Variants in KALRN observed in about 807,000 individuals in gnomAD.
KALRN encodes kalirin.
In KALRN, 70 loss-of-function variants were observed where a neutral mutation model predicts 353.7. The observed-to-expected ratio is 0.20, with a 90% CI of 0.16 to 0.24. The LOEUF (loss-of-function observed/expected upper bound fraction) is 0.24. Among genes scored for constraint, KALRN ranks in the 10% least tolerant of loss-of-function variants. The pLI, the probability that KALRN is intolerant of heterozygous loss-of-function variation, is 1.00. For missense variants in KALRN, 2,791 were observed against 3,756.7 expected, an observed-to-expected ratio of 0.74 and a Z score of 6.72; for synonymous variants, 1,391 against 1,434.8, an observed-to-expected ratio of 0.97 and a Z score of 0.69.
At chr3:124,463,419 A>C (rs887819934) in intron 25 of KALRN, among the ~76,000 whole-genome samples, 1 of 152,192 alleles carries the variant, frequency 6.6e-6, no homozygotes, top group African/African-American at 2.4e-5. Flanking sequence ...TGGAGATAGA[A>C]GGGCCATGTG....
intron 1 of KALRN, among the ~76,000 whole-genome samples, chr3:124,063,768 A>C (rs977442622): frequency 6.6e-6 from 1 of 152,172 alleles, no homozygotes; most frequent in Non-Finnish European, 1.5e-5. Context: ...GGGAGCTTAC[A>C]TCACGGGCAC....
At chr3:124,545,323 A>G (rs536903320) in intron 33 of KALRN, among the ~76,000 whole-genome samples, 3 of 152,214 alleles carry the variant, frequency 2.0e-5, no homozygotes, top group Admixed American at 6.5e-5. Flanking sequence ...TGAGGTCAAC[A>G]TTAGACCCTG....
chr3:124,239,029 T>C (rs931569315), intron 3 of KALRN, among the ~76,000 whole-genome samples: 1 of 152,210 alleles, frequency 6.6e-6, no homozygotes, highest in African/African-American at 2.4e-5. Context: ...TGAGACAAGT[T>C]CTGGATAGGA....
Position 124,091,948 on chromosome 3 carries a change from G to A in KALRN, c.73+58135G>A, listed in dbSNP as rs554329822. On this transcript the variant is annotated intron_variant, in intron 1 of 59. Transcript: ENST00000682506. ...AACTTCTGGAGGGGCTGCATTTCAA[G>A]TAAGACTTATGAGGCTCTGTGGGAG... Among the ~76,000 whole-genome samples the A allele has an allele frequency of 4.6e-5, 7 of 152,330 alleles. No homozygotes were observed. In the South Asian group the frequency reaches 1.2e-3, roughly 27 times the overall value.
intron 1 of KALRN, among the ~76,000 whole-genome samples, chr3:124,042,744 G>A (rs2040081204): frequency 6.6e-6 from 1 of 152,112 alleles, no homozygotes; most frequent in South Asian, 2.1e-4. Context: ...AATTTGCTTT[G>A]GGACATGTTG....
At chr3:124,696,053 T>A (rs2062035630) in intron 53 of KALRN, 81 bp from the exon 54 acceptor site, 2 of 1,504,064 alleles carry the variant, frequency 1.3e-6, no homozygotes. Flanking sequence ...CAGCACACCA[T>A]GGGCCAACCC....
intron 1 of KALRN, among the ~76,000 whole-genome samples, chr3:124,114,549 T>C (rs2063291016): frequency 6.6e-6 from 1 of 152,172 alleles, no homozygotes; most frequent in African/African-American, 2.4e-5. Context: ...ACTTGGAATA[T>C]TGGGGATTTG....
intron 1 of KALRN, among the ~76,000 whole-genome samples, chr3:124,177,429 A>G (rs1217597411): frequency 1.3e-5 from 2 of 152,138 alleles, no homozygotes; most frequent in African/African-American, 4.8e-5. Context: ...TACCTCCTAG[A>G]ACAGTGACTT....
intron 27 of KALRN, among the ~76,000 whole-genome samples, chr3:124,479,354 A>G (rs1288797866): frequency 1.3e-5 from 2 of 152,240 alleles, no homozygotes; most frequent in Non-Finnish European, 2.9e-5. Flanking sequence ...CTGCCCTGGA[A>G]GCGGGGACAG....
intron 5 of KALRN, among the ~76,000 whole-genome samples, chr3:124,279,476 T>C (rs1000703289): frequency 1.3e-5 from 2 of 152,002 alleles, no homozygotes; most frequent in African/African-American, 4.8e-5. Flanking sequence ...GGGGCATGCA[T>C]GGGGAATACA....
At chr3:124,081,093 T>C (rs2060518598) in intron 1 of KALRN, among the ~76,000 whole-genome samples, 1 of 152,204 alleles carries the variant, frequency 6.6e-6, no homozygotes, top group African/African-American at 2.4e-5. Context: ...AAGAGTTTCA[T>C]GGAGGACATT....
rs1425467068 is a variant in KALRN, at chr3:124,493,551, T to A, written c.4832+669T>A. Among the ~76,000 whole-genome samples the A allele has an allele frequency of 2.6e-5, 4 of 152,128 alleles. No individual in the cohort carries two copies. In the South Asian group the frequency reaches 8.3e-4, roughly 32 times the overall value. ...TTGGGGGACAGTTCCAAAGAAAGCA[T>A]ACAAAAACTTCACGTACATTTTGAA... On this transcript the variant is annotated intron_variant, in intron 32 of 59. Coordinates refer to ENST00000682506, the MANE Select transcript of KALRN (RefSeq NM_001388419.1).
intron 34 of KALRN, among the ~76,000 whole-genome samples, chr3:124,579,946 C>T (rs2074464491): frequency 2.0e-5 from 3 of 152,198 alleles, no homozygotes. Flanking sequence ...ATGTCAGCCA[C>T]ACCCAGAAAC....
At position 124,461,963 on chromosome 3, in the gene KALRN, C is replaced by A; in HGVS notation, c.3921+7C>A. ...TTTGCATGAGTGCTTAGAGGTGAGT[C>A]TTCCAGTAATCCGTTCACAGCTATA... On this transcript the variant is annotated splice_region_variant and intron_variant, in intron 24 of 59. Transcript: ENST00000682506. 6.2e-7 allele frequency: 1 copy of A among 1,602,916 alleles called. No homozygotes were observed. Among genetic ancestry groups the A allele is most frequent in the Non-Finnish European group, 8.5e-7 (1 of 1,170,048 alleles).
At chr3:124,159,427 C>T (rs143275385) in intron 1 of KALRN, among the ~76,000 whole-genome samples, 7 of 152,208 alleles carry the variant, frequency 4.6e-5, no homozygotes, top group Admixed American at 2.0e-4. Context: ...TGTGCCACCA[C>T]GCCTGACCCA....
chr3:124,263,901 T>C (rs2148881400), intron 3 of KALRN, among the ~76,000 whole-genome samples: 1 of 152,210 alleles, frequency 6.6e-6, no homozygotes, highest in South Asian at 2.1e-4. Flanking sequence ...AAAACATGAT[T>C]CATTTTAGGA....
intron 57 of KALRN, among the ~76,000 whole-genome samples, chr3:124,708,803 A>T (rs2062757656): frequency 6.6e-6 from 1 of 152,150 alleles, no homozygotes; most frequent in African/African-American, 2.4e-5. Flanking sequence ...AAACAAACAA[A>T]AACCATGCCC....
At position 124,479,182 on chromosome 3, in the gene KALRN, C is replaced by T. The variant is rs548497289; in HGVS notation, c.4191+1848C>T. ...TATTTTCCCTTAGTACTACATACCT[C>T]GCATCCCCATTTCTAGCCAATTTCT... On this transcript the variant is annotated intron_variant, in intron 27 of 59. Coordinates refer to ENST00000682506, the MANE Select transcript of KALRN (RefSeq NM_001388419.1). Among the ~76,000 whole-genome samples, 9 of 152,312 alleles carry T rather than the reference C, an allele frequency of 5.9e-5. No homozygotes were observed. The South Asian group carries it at 1.2e-3, about 21-fold the overall frequency.
intron 10 of KALRN, among the ~76,000 whole-genome samples, chr3:124,364,106 C>T (rs1239595336): frequency 6.6e-6 from 1 of 152,208 alleles, no homozygotes; most frequent in East Asian, 1.9e-4. Flanking sequence ...TAGATCCTGC[C>T]TCCAAGCCAG....
Sources: gnomAD v4.1 joint callset for allele counts (sites outside exome capture counted in the v4.1 genomes callset) on GRCh38, gnomAD v4.1.1 for gene constraint, MANE v1.5 for transcripts, NCBI Gene and HGNC (gene_info 2026-07-23, HGNC 2026-07-21) for gene names.